PTPRD: variants seen among roughly 807,000 people sequenced by gnomAD.
PTPRD encodes protein tyrosine phosphatase receptor type D, also known as receptor-type tyrosine-protein phosphatase delta.
In PTPRD, 34 loss-of-function variants were observed where a neutral mutation model predicts 214.5. The ratio of observed to expected loss-of-function variants is 0.16; its 90% CI spans 0.12 to 0.21. The LOEUF (loss-of-function observed/expected upper bound fraction) is 0.21, where lower values mean the gene tolerates loss of function less well. PTPRD is among the 10% of genes least tolerant of loss of function. PTPRD has a pLI of 1.00. For missense variants in PTPRD, 2,545 were observed against 2,398.7 expected (o/e 1.06, Z -1.27); for synonymous variants, 1,128 against 845.7 (o/e 1.33, Z -5.79).
chr9:10,602,842 G>A (rs1361717821), intron 2 of PTPRD, among the ~76,000 whole-genome samples: 1 of 151,576 alleles, frequency 6.6e-6, no homozygotes, highest in Admixed American at 6.6e-5. Context: ...TTATTATGTG[G>A]GGCATGCATT....
intron 11 of PTPRD, among the ~76,000 whole-genome samples, chr9:8,832,409 T>A (rs1201407137): frequency 1.0e-5 from 1 of 99,098 alleles, no homozygotes; most frequent in African/African-American, 4.4e-5. Context: ...GCTAAAATCA[T>A]CTTTTTTTTT....
rs368621512 is a variant in PTPRD at position 10,017,302 on chromosome 9, T to A, written c.-472+16416A>T. 1.6e-3 allele frequency among the ~76,000 whole-genome samples: 237 copies of A among 152,296 alleles called. 1 individual carries two copies. Among genetic ancestry groups the A allele is most frequent in the South Asian group, 0.014 (70 of 4,828 alleles). ...TGTCCATTTATTTTATCTTTTTTTT[T>A]ATCAATGTTCAGGAGTCCTTTTTGT... On this transcript the variant is annotated intron_variant, in intron 4 of 45. Coordinates refer to ENST00000381196, the MANE Select transcript of PTPRD (RefSeq NM_002839.4).
chr9:9,342,121 G>C (rs1241898395), intron 9 of PTPRD, among the ~76,000 whole-genome samples: 1 of 152,036 alleles, frequency 6.6e-6, no homozygotes, highest in East Asian at 1.9e-4. Context: ...GATTTTAAGA[G>C]AAAAGTTTTT....
At chr9:10,190,838 C>A (rs2099360906) in intron 3 of PTPRD, among the ~76,000 whole-genome samples, 1 of 151,662 alleles carries the variant, frequency 6.6e-6, no homozygotes, top group African/African-American at 2.4e-5. Context: ...AATAAGTAGG[C>A]TGCTGAAGTA....
At chr9:9,012,242 G>A (rs2099514841) in intron 11 of PTPRD, among the ~76,000 whole-genome samples, 1 of 152,134 alleles carries the variant, frequency 6.6e-6, no homozygotes, top group Non-Finnish European at 1.5e-5. Flanking sequence ...CACCAGTTAA[G>A]CCTCCAGATG....
intron 37 of PTPRD, among the ~76,000 whole-genome samples, chr9:8,385,952 T>A (rs183153570): frequency 1.3e-5 from 2 of 152,134 alleles, no homozygotes; most frequent in Non-Finnish European, 2.9e-5. Flanking sequence ...TCGTCAACCA[T>A]AGAGAAATAA....
chr9:9,493,157 G>C (rs1393187206), intron 8 of PTPRD, among the ~76,000 whole-genome samples: 1 of 151,792 alleles, frequency 6.6e-6, no homozygotes, highest in African/African-American at 2.4e-5. Flanking sequence ...AGCTATAGAA[G>C]CCAATTTCAT....
At position 8,336,628 on chromosome 9, in the gene PTPRD, CAA is replaced by C. The variant is rs764320816; in HGVS notation, c.5379+2292_5379+2293del. On this transcript the variant is annotated intron_variant, in intron 43 of 45. Transcript: ENST00000381196. ...ATTAAACTAAAGAGCTTCTGCAGAG[CAA>C]AAAAAAAAAAAAAAAACTACCATCA... Among the ~76,000 whole-genome samples, 195 of 114,550 alleles carry C rather than the reference CAA, an allele frequency of 1.7e-3. 1 individual carries two copies. Among genetic ancestry groups the C allele is most frequent in the South Asian group, 5.4e-3 (18 of 3,358 alleles). The allele number at this position is 114,550 out of a possible 152,430, so 75.1% of individuals were successfully genotyped here. A position where few individuals can be genotyped will look rare whatever the true frequency, so the allele number is the denominator to read the frequency against.
rs1299059929 is a variant in PTPRD at position 10,226,734 on chromosome 9, G to A, written c.-545+114229C>T. ...TGATAACATTGCCCAAAGTCTGTTTGTCAGCATGAGATAAAATCTGTGTGT... is the reference window on the plus strand; with the variant it reads ...TGATAACATTGCCCAAAGTCTGTTTATCAGCATGAGATAAAATCTGTGTGT... On this transcript the variant is annotated intron_variant, in intron 3 of 45. Coordinates refer to ENST00000381196, the MANE Select transcript of PTPRD (RefSeq NM_002839.4). 2.0e-5 allele frequency among the ~76,000 whole-genome samples: 3 copies of A among 151,944 alleles called. No individual in the cohort carries two copies. In the East Asian group the frequency reaches 5.8e-4, roughly 30 times the overall value.
intron 9 of PTPRD, among the ~76,000 whole-genome samples, chr9:9,345,138 T>G (rs1208645901): frequency 6.6e-6 from 1 of 152,176 alleles, no homozygotes; most frequent in African/African-American, 2.4e-5. Flanking sequence ...AAGTGAGATT[T>G]TACAAATGCT....
intron 3 of PTPRD, among the ~76,000 whole-genome samples, chr9:10,160,836 A>G (rs2099123132): frequency 6.6e-6 from 1 of 151,940 alleles, no homozygotes. Flanking sequence ...TGAAGACAAC[A>G]TAAAACAAAG....
intron 12 of PTPRD, among the ~76,000 whole-genome samples, chr9:8,640,722 C>T (rs1046785434): frequency 4.0e-5 from 6 of 150,378 alleles, no homozygotes; most frequent in African/African-American, 1.5e-4. Flanking sequence ...TGAAAGACAT[C>T]GGCCTCACTG....
chr9:8,425,686 C>T (rs1252312702), intron 35 of PTPRD, among the ~76,000 whole-genome samples: 1 of 151,616 alleles, frequency 6.6e-6, no homozygotes, highest in East Asian at 1.9e-4. Context: ...TTCTGTTTCT[C>T]CTAGAAGACT....
chr9:9,711,712 G>T (rs1316263914), intron 7 of PTPRD, among the ~76,000 whole-genome samples: 1 of 152,094 alleles, frequency 6.6e-6, no homozygotes, highest in Non-Finnish European at 1.5e-5. Context: ...ACATGTAGCG[G>T]GGAGAAACTA....
chr9:10,287,936 T>C (rs1257018684), intron 3 of PTPRD, among the ~76,000 whole-genome samples: 1 of 152,050 alleles, frequency 6.6e-6, no homozygotes, highest in Non-Finnish European at 1.5e-5. Context: ...CTAATTTTTA[T>C]TTCTCCTATA....
At chr9:9,829,668 G>C (rs2054159315) in intron 5 of PTPRD, among the ~76,000 whole-genome samples, 1 of 151,688 alleles carries the variant, frequency 6.6e-6, no homozygotes, top group Non-Finnish European at 1.5e-5. Flanking sequence ...CATTAAATGA[G>C]GCTCAATTTT....
intron 39 of PTPRD, among the ~76,000 whole-genome samples, chr9:8,349,170 A>G (rs2074713565): frequency 6.6e-6 from 1 of 152,226 alleles, no homozygotes; most frequent in Non-Finnish European, 1.5e-5. Flanking sequence ...GTTTACAAAG[A>G]TAAAGTAATG....
chr9:9,825,143 T>C (rs2821520), intron 5 of PTPRD, among the ~76,000 whole-genome samples: 28,086 of 151,884 alleles, frequency 0.18, 3,149 homozygotes, highest in African/African-American at 0.31. Context: ...TTTTATATAA[T>C]GAGACAATTC....
chr9:8,908,946 A>T (rs2098727426), intron 11 of PTPRD, among the ~76,000 whole-genome samples: 1 of 150,100 alleles, frequency 6.7e-6, no homozygotes, highest in Non-Finnish European at 1.5e-5. Flanking sequence ...TGAATATGAA[A>T]ATAAATTATA....
Sources: gnomAD v4.1 joint callset for allele counts (sites outside exome capture counted in the v4.1 genomes callset) on GRCh38, gnomAD v4.1.1 for gene constraint, MANE v1.5 for transcripts, NCBI Gene and HGNC (gene_info 2026-07-23, HGNC 2026-07-21) for gene names.